The following LRRC38 variants were observed in gnomAD, a reference collection of about 807,000 sequenced individuals.
LRRC38 encodes leucine-rich repeat-containing protein 38.
A neutral mutation model predicts 16.4 loss-of-function variants in LRRC38; 5 were observed. The ratio of observed to expected loss-of-function variants is 0.31; its 90% confidence interval spans 0.16 to 0.64. The LOEUF (loss-of-function observed/expected upper bound fraction) is 0.64. Among genes scored for constraint, LRRC38 ranks in the 30% least tolerant of loss-of-function variants. The pLI is 0.80. For missense variants in LRRC38, 341 were observed against 401.8 expected (o/e 0.85, Z 1.29); for synonymous variants, 191 against 190.2 (o/e 1.00, Z -0.04).
intron 1 of LRRC38, among the ~76,000 whole-genome samples, chr1:13,502,866 T>C (rs1557503907): frequency 6.6e-6 from 1 of 152,230 alleles, no homozygotes; most frequent in Non-Finnish European, 1.5e-5. Flanking sequence ...TCACTTCTGA[T>C]GTAGATGATC....
chr1:13,501,465 G>A (rs1194429482), intron 1 of LRRC38, among the ~76,000 whole-genome samples: 1 of 151,222 alleles, frequency 6.6e-6, no homozygotes, highest in Non-Finnish European at 1.5e-5. Flanking sequence ...CTGGGGTGCA[G>A]TAGAGTGATC....
Position 13,513,735 on chromosome 1 carries a change from G to C in LRRC38, c.-142C>G, listed in dbSNP as rs1569945441. 3.7e-6 allele frequency: 1 copy of C among 269,312 alleles called. No individual in the cohort carries two copies. Among genetic ancestry groups the C allele is most frequent in the South Asian group, 1.4e-4 (1 of 7,350 alleles). The allele number at this position is 269,312 out of a possible 1,614,324, so 16.7% of individuals were successfully genotyped here. On this transcript the variant is annotated 5_prime_UTR_variant, in exon 1 of 2. Coordinates refer to ENST00000376085, the MANE Select transcript of LRRC38 (RefSeq NM_001010847.2). ...GGGCGGGGAGGGCGTGCGCCCGGGC[G>C]TGCGGGGGCGATGGAGCGCGGCGCG...
rs200327039 is a variant in LRRC38 at position 13,492,941 on chromosome 1, TGAGTCCCGTCGCTCTTGG to T, written c.632-16860_632-16843del. On this transcript the variant is annotated intron_variant, in intron 1 of 1. Transcript: ENST00000376085. The stretch of plus-strand genomic sequence containing the variant: ...GACCCAGGCCTAACCTCCGACCACG[TGAGTCCCGTCGCTCTTGG>T]GAGTTCCCTGGGGGCCACGCTATCC... Among the ~76,000 whole-genome samples, 877 of 152,184 alleles carry T rather than the reference TGAGTCCCGTCGCTCTTGG, an allele frequency of 5.8e-3. 29 individuals are homozygous for T. In the East Asian group the frequency reaches 0.1, roughly 18 times the overall value.
At chr1:13,504,725 G>C (rs75270443) in intron 1 of LRRC38, among the ~76,000 whole-genome samples, 3 of 117,120 alleles carry the variant, frequency 2.6e-5, no homozygotes, top group South Asian at 3.9e-4. Context: ...TGTGTTGAAG[G>C]GGGGAGGGGA....
In LRRC38 at chr1:13,481,376, GT is replaced by G. The variant is rs796116003; in HGVS notation, c.632-5278del. Among the ~76,000 whole-genome samples, 523 of 135,734 alleles carry G rather than the reference GT, an allele frequency of 3.9e-3. 4 individuals carry two copies. The highest frequency in any genetic ancestry group is 0.013 in the African/African-American group (479 of 37,774). 89.0% of individuals were successfully genotyped at this position (135,734 alleles called of 152,430 possible). A position where few individuals can be genotyped will look rare whatever the true frequency, so the allele number is the denominator to read the frequency against. On this transcript the variant is annotated intron_variant, in intron 1 of 1. Transcript: ENST00000376085. ...TCTGGCCAGGGATTAGTGTTCTTAT[GT>G]TTTTTTTATTTTTTTTTTTTTGTTC...
intron 1 of LRRC38, among the ~76,000 whole-genome samples, chr1:13,506,813 A>C (rs1639218828): frequency 6.6e-6 from 1 of 152,158 alleles, no homozygotes; most frequent in African/African-American, 2.4e-5. Flanking sequence ...CCGGCCAAGC[A>C]CCTCATCCCT....
At chr1:13,504,671 C>T (rs1267031310) in intron 1 of LRRC38, among the ~76,000 whole-genome samples, 2 of 142,022 alleles carry the variant, frequency 1.4e-5, no homozygotes, top group Non-Finnish European at 3.1e-5. Flanking sequence ...TACAGTGAGC[C>T]GAGATTGCGC....
At chr1:13,501,836 G>C (rs1021639728) in intron 1 of LRRC38, among the ~76,000 whole-genome samples, 3 of 152,012 alleles carry the variant, frequency 2.0e-5, no homozygotes, top group Non-Finnish European at 4.4e-5. Context: ...GAGTGCAGTG[G>C]CACGATCTGC....
Position 13,489,623 on chromosome 1 carries a change from C to T in LRRC38, c.632-13524G>A, listed in dbSNP as rs534935930. 3.9e-5 allele frequency among the ~76,000 whole-genome samples: 6 copies of T among 152,172 alleles called. No homozygotes were observed. The South Asian group carries it at 8.3e-4, about 21-fold the overall frequency. On this transcript the variant is annotated intron_variant, in intron 1 of 1. Transcript: ENST00000376085. ...CACGTGCTACAGTCGCTGCTGCAGC[C>T]GCTTCAAGCCGCAGAGAAATGTTCT... is the stretch of plus-strand genomic sequence containing the variant.
At chr1:13,502,927 C>T (rs572962652) in intron 1 of LRRC38, among the ~76,000 whole-genome samples, 13 of 152,116 alleles carry the variant, frequency 8.5e-5, no homozygotes, top group Admixed American at 3.3e-4. Flanking sequence ...TGGGGTCTTA[C>T]GAAAAAGCAA....
Position 13,512,949 on chromosome 1 carries a change from C to A in LRRC38, c.631+14G>T. The A allele has an allele frequency of 6.7e-7, 1 of 1,497,526 alleles. No homozygotes were observed. The highest frequency in any genetic ancestry group is 1.4e-5 in the African/African-American group (1 of 71,208). 92.8% of individuals were successfully genotyped at this position (1,497,526 alleles called of 1,614,324 possible). ...CCCCTCCCTCCCTCCCCCAGCCTAG[C>A]CGGCTCGGCTCACCTTTGGGCAGTT... On this transcript the variant is annotated intron_variant, in intron 1 of 1. Coordinates refer to ENST00000376085, the MANE Select transcript of LRRC38 (RefSeq NM_001010847.2).
chr1:13,501,672 C>T lies in LRRC38; in HGVS notation c.631+11291G>A, dbSNP rs146702656. The stretch of plus-strand genomic sequence containing the variant: ...GCAGTGGCACGATCTTGGCTCACTG[C>T]AACTTCCAACTCCCAGGTTCAAGCA... On this transcript the variant is annotated intron_variant, in intron 1 of 1. Coordinates refer to ENST00000376085, the MANE Select transcript of LRRC38 (RefSeq NM_001010847.2). Among the ~76,000 whole-genome samples, 62 of 139,092 alleles carry T rather than the reference C, an allele frequency of 4.5e-4. 1 individual carries two copies. The highest frequency in any genetic ancestry group is 1.7e-3 in the African/African-American group (59 of 34,608). 91.2% of individuals were successfully genotyped at this position (139,092 alleles called of 152,430 possible). A position where few individuals can be genotyped will look rare whatever the true frequency, so the allele number is the denominator to read the frequency against.
intron 1 of LRRC38, among the ~76,000 whole-genome samples, chr1:13,495,149 A>G (rs1398368736): frequency 6.6e-6 from 1 of 152,194 alleles, no homozygotes; most frequent in African/African-American, 2.4e-5. Flanking sequence ...GAGCAGAAGC[A>G]CGACAAATAT....
chr1:13,480,406 C>T (rs762498889), intron 1 of LRRC38, among the ~76,000 whole-genome samples: 1 of 152,252 alleles, frequency 6.6e-6, no homozygotes, highest in South Asian at 2.1e-4. Flanking sequence ...AGGACAAAGT[C>T]ACCTCAGTTG....
chr1:13,509,056 C>T (rs755535865), intron 1 of LRRC38, among the ~76,000 whole-genome samples: 8 of 152,256 alleles, frequency 5.3e-5, no homozygotes, highest in Middle Eastern at 3.4e-3. Flanking sequence ...ATGCTCCAGA[C>T]GCTCTTTAGT....
intron 1 of LRRC38, among the ~76,000 whole-genome samples, chr1:13,479,185 T>G (rs181960992): frequency 1.5e-4 from 23 of 152,116 alleles, no homozygotes; most frequent in Admixed American, 1.4e-3. Flanking sequence ...CACTCATGTC[T>G]TCAATGAAAA....
At chr1:13,481,788 C>CCTCTCTCCCT (rs1557495325) in intron 1 of LRRC38, among the ~76,000 whole-genome samples, 7 of 34,466 alleles carry the variant, frequency 2.0e-4, no homozygotes, top group Admixed American at 3.7e-4. Flanking sequence ...TCCCTCTCTC[C>CCTCTCTCCCT]CTCTCTCTCT....
At chr1:13,485,135 G>C (rs1638915155) in intron 1 of LRRC38, among the ~76,000 whole-genome samples, 1 of 152,132 alleles carries the variant, frequency 6.6e-6, no homozygotes, top group African/African-American at 2.4e-5. Context: ...AAATTAGCTA[G>C]GCGTGATGGC....
intron 1 of LRRC38, among the ~76,000 whole-genome samples, chr1:13,488,028 GTGTT>G (rs1448346190): frequency 4.1e-5 from 5 of 121,812 alleles, no homozygotes; most frequent in South Asian, 2.5e-4. Context: ...TAGATTGTGT[GTGTT>G]TGTGTGTGTG....
Sources: allele counts gnomAD v4.1 joint callset (sites outside exome capture counted in the v4.1 genomes callset), GRCh38; gene constraint gnomAD v4.1.1; transcripts MANE v1.5; gene names NCBI Gene and HGNC (gene_info 2026-07-23, HGNC 2026-07-21).